SPOCK3: variants seen among roughly 807,000 people sequenced by gnomAD.
SPOCK3 encodes testican-3.
A neutral mutation model predicts 56.6 loss-of-function variants in SPOCK3; 30 were observed. That is an observed-to-expected ratio of 0.53 (90% CI 0.40 to 0.72). The LOEUF (loss-of-function observed/expected upper bound fraction) is 0.72. SPOCK3 is among the 30% of genes least tolerant of loss of function. The pLI is 0.00. For synonymous variants in SPOCK3, 196 were observed against 183.3 expected (o/e 1.07, Z -0.56); for missense variants, 527 against 530.0 (o/e 0.99, Z 0.06).
intron 6 of SPOCK3, among the ~76,000 whole-genome samples, chr4:166,800,226 AT>A (rs1222448631): frequency 2.7e-5 from 4 of 150,276 alleles, no homozygotes; most frequent in African/African-American, 9.8e-5. Flanking sequence ...GGACCTCATG[AT>A]TGTAAGGTCT....
chr4:166,745,391 T>TGC (rs1735469116), intron 8 of SPOCK3, among the ~76,000 whole-genome samples: 1 of 152,050 alleles, frequency 6.6e-6, no homozygotes, highest in South Asian at 2.1e-4. Flanking sequence ...CCAAACTAAA[T>TGC]TTCATAAGTG....
chr4:166,837,533 C>T (rs982998336), intron 6 of SPOCK3, among the ~76,000 whole-genome samples: 3 of 152,140 alleles, frequency 2.0e-5, no homozygotes, highest in Admixed American at 6.5e-5. Flanking sequence ...ATAGATTGCA[C>T]TGATATTATC....
chr4:167,226,373 G>C (rs10517927), intron 2 of SPOCK3, among the ~76,000 whole-genome samples: 1 of 151,852 alleles, frequency 6.6e-6, no homozygotes, highest in Non-Finnish European at 1.5e-5. Context: ...GTCCATCATG[G>C]CTAAGAGGAT....
chr4:167,077,600 T>C (rs144658387), intron 2 of SPOCK3, among the ~76,000 whole-genome samples: 189 of 152,078 alleles, frequency 1.2e-3, no homozygotes, highest in African/African-American at 4.3e-3. Flanking sequence ...CTGTTCCTTC[T>C]TTTGAATAAA....
At chr4:167,002,783 C>G (rs1247892267) in intron 3 of SPOCK3, among the ~76,000 whole-genome samples, 2 of 152,108 alleles carry the variant, frequency 1.3e-5, no homozygotes, top group East Asian at 3.9e-4. Context: ...AAGAAAAAAA[C>G]ACACTATAAC....
At chr4:166,896,690 G>A (rs752442464) in intron 5 of SPOCK3, among the ~76,000 whole-genome samples, 4 of 152,128 alleles carry the variant, frequency 2.6e-5, no homozygotes, top group Non-Finnish European at 2.9e-5. Context: ...ATTCTTTGCC[G>A]ATTGCCTTTT....
At chr4:166,737,095 T>C (rs1734288368) in intron 10 of SPOCK3, among the ~76,000 whole-genome samples, 1 of 152,082 alleles carries the variant, frequency 6.6e-6, no homozygotes, top group African/African-American at 2.4e-5. Context: ...TCCAGAGGTA[T>C]ACAGACAAAA....
intron 6 of SPOCK3, among the ~76,000 whole-genome samples, chr4:166,815,432 G>A (rs1283841013): frequency 6.6e-6 from 1 of 152,066 alleles, no homozygotes; most frequent in African/African-American, 2.4e-5. Context: ...AATAAATTAT[G>A]TCTTTCATAA....
chr4:167,038,663 CAAAAAAAA>C (rs558863795), intron 3 of SPOCK3, among the ~76,000 whole-genome samples: 31,846 of 108,862 alleles, frequency 0.29, 4,181 homozygotes, highest in African/African-American at 0.43. Context: ...TTATTTTTTC[CAAAAAAAA>C]AAAAAAAAAA....
intron 7 of SPOCK3, among the ~76,000 whole-genome samples, chr4:166,767,900 T>C (rs1161682415): frequency 6.6e-6 from 1 of 152,226 alleles, no homozygotes; most frequent in Non-Finnish European, 1.5e-5. Context: ...ATATTTAAGA[T>C]AGTTAGCTCT....
chr4:166,972,544 C>T (rs997659741), intron 4 of SPOCK3, among the ~76,000 whole-genome samples: 1 of 150,962 alleles, frequency 6.6e-6, no homozygotes, highest in Non-Finnish European at 1.5e-5. Context: ...ATTTTCACAT[C>T]GATAGCTCTT....
chr4:166,878,565 A>T (rs976192694), intron 6 of SPOCK3, among the ~76,000 whole-genome samples: 2 of 152,102 alleles, frequency 1.3e-5, no homozygotes, highest in African/African-American at 4.8e-5. Flanking sequence ...TGTATATTTA[A>T]CTCATAGCTT....
intron 6 of SPOCK3, among the ~76,000 whole-genome samples, chr4:166,813,539 C>A (rs1744062376): frequency 6.7e-6 from 1 of 150,226 alleles, no homozygotes; most frequent in African/African-American, 2.5e-5. Context: ...AAGAAATATC[C>A]AAAAATATAA....
chr4:167,042,570 ACT>A (rs1753326250), intron 3 of SPOCK3, among the ~76,000 whole-genome samples: 1 of 152,074 alleles, frequency 6.6e-6, no homozygotes. Context: ...TGATCAGAAA[ACT>A]CTGATTTACC....
At chr4:166,914,232 T>C (rs941838494) in intron 4 of SPOCK3, among the ~76,000 whole-genome samples, 2 of 151,768 alleles carry the variant, frequency 1.3e-5, no homozygotes, top group African/African-American at 4.8e-5. Context: ...AAGAGGATTG[T>C]AGTAAAAAAA....
intron 4 of SPOCK3, among the ~76,000 whole-genome samples, chr4:166,921,016 C>T (rs959343551): frequency 6.6e-6 from 1 of 152,088 alleles, no homozygotes; most frequent in Non-Finnish European, 1.5e-5. Flanking sequence ...ATTATCATTG[C>T]CTTTCTCCTA....
intron 3 of SPOCK3, among the ~76,000 whole-genome samples, chr4:167,029,738 G>T (rs1232017318): frequency 2.0e-5 from 3 of 151,948 alleles, no homozygotes; most frequent in Admixed American, 1.3e-4. Context: ...CAATAAGGAT[G>T]TAGGTATGAA....
chr4:167,082,796 C>A (rs1243183766), intron 2 of SPOCK3, among the ~76,000 whole-genome samples: 3 of 103,648 alleles, frequency 2.9e-5, no homozygotes, highest in African/African-American at 8.1e-5. Flanking sequence ...AAGGAAGGGG[C>A]AGAGAGAGGA....
intron 6 of SPOCK3, among the ~76,000 whole-genome samples, chr4:166,818,056 A>G (rs2126749678): frequency 6.6e-6 from 1 of 152,244 alleles, no homozygotes; most frequent in East Asian, 1.9e-4. Context: ...AAGATTACAC[A>G]CTTATCACTT....
Sources: allele counts gnomAD v4.1 joint callset (sites outside exome capture counted in the v4.1 genomes callset), GRCh38; gene constraint gnomAD v4.1.1; transcripts MANE v1.5; gene names NCBI Gene and HGNC (gene_info 2026-07-23, HGNC 2026-07-21).